TMEM132B: variants seen among roughly 807,000 people sequenced by gnomAD.
TMEM132B encodes the protein transmembrane protein 132B.
TMEM132B carries 18 observed loss-of-function variants against 90.8 expected under a neutral mutation model. The observed-to-expected ratio is 0.20, with a 90% CI of 0.14 to 0.29. TMEM132B has a LOEUF of 0.29. Ranked by LOEUF, TMEM132B falls within the 10% of genes least tolerant of loss-of-function variation. TMEM132B has a pLI of 1.00. For synonymous variants in TMEM132B, 504 were observed against 523.3 expected (o/e 0.96, Z 0.50); for missense variants, 1,096 against 1,326.8 (o/e 0.83, Z 2.70).
chr12:125,541,881 C>T (rs559732422), intron 4 of TMEM132B, among the ~76,000 whole-genome samples: 38 of 151,638 alleles, frequency 2.5e-4, no homozygotes, highest in Non-Finnish European at 5.2e-4. Flanking sequence ...AAAAATTAGC[C>T]GGGCGTGGTG....
At chr12:125,593,573 G>T (rs1885369251) in intron 5 of TMEM132B, among the ~76,000 whole-genome samples, 1 of 152,086 alleles carries the variant, frequency 6.6e-6, no homozygotes, top group African/African-American at 2.4e-5. Flanking sequence ...AAGTGTCTGG[G>T]ATATCAGGCC....
rs1211259595 is a variant in TMEM132B at position 125,415,052 on chromosome 12, G to A, written c.960-479G>A. Reference sequence around the variant, plus strand: ...TTCTTCAAACACCTGAGGACTGGGTGCTCCCGTCCATTCCTGCTCCCAGAG... The same window carrying A: ...TTCTTCAAACACCTGAGGACTGGGTACTCCCGTCCATTCCTGCTCCCAGAG... On this transcript the variant is annotated intron_variant, in intron 2 of 8. Coordinates refer to ENST00000682704, the MANE Select transcript of TMEM132B (RefSeq NM_001366854.1). The surrounding 1 kb of genome is among the most constrained non-coding windows in gnomAD (Gnocchi z 5.3). Among the ~76,000 whole-genome samples the A allele has an allele frequency of 1.3e-5, 2 of 152,136 alleles. No individual in the cohort carries two copies. The highest frequency in any genetic ancestry group is 2.4e-5 in the African/African-American group (1 of 41,426).
intron 5 of TMEM132B, among the ~76,000 whole-genome samples, chr12:125,627,249 T>C (rs1886254549): frequency 6.6e-6 from 1 of 152,184 alleles, no homozygotes; most frequent in South Asian, 2.1e-4. Flanking sequence ...TTATTTGAAA[T>C]TTCCTGTCTG....
intron 1 of TMEM132B, among the ~76,000 whole-genome samples, chr12:125,244,893 T>C (rs11058103): frequency 0.053 from 8,081 of 152,164 alleles, 289 homozygotes; most frequent in African/African-American, 0.092. Context: ...GGCCTTTAGG[T>C]CACCCCTGCC....
intron 5 of TMEM132B, among the ~76,000 whole-genome samples, chr12:125,641,961 T>C (rs1186792077): frequency 6.6e-6 from 1 of 152,148 alleles, no homozygotes; most frequent in Non-Finnish European, 1.5e-5. Flanking sequence ...CCCCAATGTA[T>C]CCACTGCAGG....
At chr12:125,327,826 T>C (rs1466427224) in intron 1 of TMEM132B, among the ~76,000 whole-genome samples, 1 of 152,216 alleles carries the variant, frequency 6.6e-6, no homozygotes, top group Admixed American at 6.5e-5. Context: ...TGGCAGATGC[T>C]GGGTGCAGTT....
chr12:125,350,718 G>A (rs1039250658), intron 2 of TMEM132B, among the ~76,000 whole-genome samples: 1 of 152,238 alleles, frequency 6.6e-6, no homozygotes, highest in Non-Finnish European at 1.5e-5. Context: ...GTGAGACAGA[G>A]GCATTGTCTT....
intron 2 of TMEM132B, among the ~76,000 whole-genome samples, chr12:125,357,159 C>T (rs895269393): frequency 4.6e-5 from 7 of 152,154 alleles, no homozygotes; most frequent in Non-Finnish European, 7.4e-5. Flanking sequence ...ATAAATGAAT[C>T]GTCAAGATTG....
intron 1 of TMEM132B, among the ~76,000 whole-genome samples, chr12:125,300,262 C>T (rs961961533): frequency 2.4e-4 from 37 of 152,186 alleles, no homozygotes; most frequent in Non-Finnish European, 4.4e-4. Context: ...TCTCCAACTC[C>T]TGGCCTGAAG....
chr12:125,355,491 C>G (rs325104), intron 2 of TMEM132B, among the ~76,000 whole-genome samples: 125,818 of 152,172 alleles, frequency 0.83, 52,224 homozygotes, highest in East Asian at 0.98. Context: ...ACCAGGCTAT[C>G]ACTATTCTAG....
intron 1 of TMEM132B, among the ~76,000 whole-genome samples, chr12:125,325,349 G>A (rs1353335140): frequency 6.6e-6 from 1 of 152,154 alleles, no homozygotes; most frequent in Non-Finnish European, 1.5e-5. Context: ...CAGGAGCGGA[G>A]GACCTTCAAA....
At chr12:125,192,804 A>T (rs1296659012) in intron 1 of TMEM132B, among the ~76,000 whole-genome samples, 1 of 152,208 alleles carries the variant, frequency 6.6e-6, no homozygotes, top group Non-Finnish European at 1.5e-5. Context: ...AAATTCAGAG[A>T]TGTCAGTGTC....
intron 1 of TMEM132B, among the ~76,000 whole-genome samples, chr12:125,257,209 G>C (rs760595288): frequency 5.9e-5 from 9 of 152,146 alleles, no homozygotes; most frequent in Non-Finnish European, 1.2e-4. Flanking sequence ...GGGAGGTGAA[G>C]GTGGGAGGAT....
rs78012055 is a variant in TMEM132B, at chr12:125,630,915, C to T, written c.1438-13161C>T. ...TTCATCCATGTTCACACAAAAGACA[C>T]GATCTCATTCTTAGAAAAAAACAAC... On this transcript the variant is annotated intron_variant, in intron 5 of 8. Coordinates refer to ENST00000682704, the MANE Select transcript of TMEM132B (RefSeq NM_001366854.1). Among the ~76,000 whole-genome samples, 1,001 of 150,836 alleles carry T rather than the reference C, an allele frequency of 6.6e-3. 11 individuals carry two copies. Among genetic ancestry groups the T allele is most frequent in the African/African-American group, 0.022 (913 of 40,848 alleles).
intron 3 of TMEM132B, among the ~76,000 whole-genome samples, chr12:125,505,677 G>T (rs1185695308): frequency 6.6e-6 from 1 of 150,500 alleles, no homozygotes; most frequent in Non-Finnish European, 1.5e-5. Context: ...AAGCTTGGGC[G>T]ACAAGAGCGA....
intron 1 of TMEM132B, among the ~76,000 whole-genome samples, chr12:125,274,635 A>C (rs544411049): frequency 6.6e-6 from 1 of 152,362 alleles, no homozygotes; most frequent in South Asian, 2.1e-4. Flanking sequence ...AAGAACCCCA[A>C]AGAGGAGAAC....
chr12:125,293,014 G>A (rs1300462439), intron 1 of TMEM132B, among the ~76,000 whole-genome samples: 1 of 152,238 alleles, frequency 6.6e-6, no homozygotes, highest in Non-Finnish European at 1.5e-5. Context: ...TTAATTGAGC[G>A]AGGAGTTCTT....
intron 3 of TMEM132B, among the ~76,000 whole-genome samples, chr12:125,441,924 A>G (rs763219080): frequency 2.6e-5 from 4 of 152,250 alleles, no homozygotes; most frequent in Non-Finnish European, 5.9e-5. Flanking sequence ...TATGCTCCCT[A>G]AAGACTTAAA....
intron 2 of TMEM132B, among the ~76,000 whole-genome samples, chr12:125,378,497 A>C (rs1175659183): frequency 6.6e-6 from 1 of 152,218 alleles, no homozygotes. Flanking sequence ...GCCTGGCTTC[A>C]TCTTTAACCC....
Sources: allele counts gnomAD v4.1 joint callset (sites outside exome capture counted in the v4.1 genomes callset), GRCh38; gene constraint gnomAD v4.1.1; non-coding constraint Gnocchi (gnomAD v3.1); transcripts MANE v1.5; gene names NCBI Gene and HGNC (gene_info 2026-07-23, HGNC 2026-07-21).